Variants in MRPL39 observed in about 807,000 individuals in gnomAD.
The protein encoded by MRPL39 is mitochondrial ribosomal protein L39.
A neutral mutation model predicts 44.5 loss-of-function variants in MRPL39; 35 were observed. The ratio of observed to expected loss-of-function variants is 0.79; its 90% confidence interval spans 0.60 to 1.04. The LOEUF is 1.04. MRPL39 is among the 50% of genes least tolerant of loss of function. MRPL39 has a pLI of 0.00. For synonymous variants in MRPL39, 139 were observed against 136.1 expected, an observed-to-expected ratio of 1.02 and a Z score of -0.15; for missense variants, 433 against 413.5, an observed-to-expected ratio of 1.05 and a Z score of -0.41.
upstream of MRPL39, chr21:25,607,487 G>A (rs202224023): frequency 7.4e-5 from 119 of 1,609,542 alleles, no homozygotes; most frequent in Non-Finnish European, 9.7e-5. Flanking sequence ...GCAGCGGTGA[G>A]AACCGTCGCG....
At chr21:25,600,685 T>C (rs1406884307) in intron 4 of MRPL39, among the ~76,000 whole-genome samples, 2 of 152,150 alleles carry the variant, frequency 1.3e-5, no homozygotes, top group African/African-American at 2.4e-5. Context: ...GTGCTGTCAC[T>C]TTCCAAAGTA....
chr21:25,593,098 T>C (rs2031234862), intron 7 of MRPL39, 133 bp from the exon 8 acceptor site: 1 of 712,088 alleles, frequency 1.4e-6, no homozygotes, highest in African/African-American at 1.8e-5. Context: ...CAATTCAGTT[T>C]CTAATGACCC....
At chr21:25,607,496 C>T, upstream of MRPL39, 1 of 1,607,916 alleles carries the variant, frequency 6.2e-7, no homozygotes, top group Non-Finnish European at 8.5e-7. Context: ...AGAACCGTCG[C>T]GCGCAAGTCC....
chr21:25,599,133 G>C (rs757927923), intron 5 of MRPL39, among the ~76,000 whole-genome samples: 1 of 152,174 alleles, frequency 6.6e-6, no homozygotes, highest in East Asian at 1.9e-4. Context: ...CTTACCTACT[G>C]AGCACCTGAT....
chr21:25,603,416 G>GA, intron 3 of MRPL39, among the ~76,000 whole-genome samples: 1 of 151,554 alleles, frequency 6.6e-6, no homozygotes, highest in Non-Finnish European at 1.5e-5. Context: ...TTTAAGTAAC[G>GA]AAAAAAAATA....
intron 6 of MRPL39, among the ~76,000 whole-genome samples, chr21:25,595,141 C>T (rs1356944341): frequency 2.0e-5 from 3 of 152,306 alleles, no homozygotes; most frequent in East Asian, 3.9e-4. Flanking sequence ...CCTCAGGGTG[C>T]TAAACAAGTA....
intron 9 of MRPL39, among the ~76,000 whole-genome samples, chr21:25,586,414 C>G (rs79144222): frequency 0.035 from 5,376 of 152,304 alleles, 130 homozygotes; most frequent in Non-Finnish European, 0.051. Context: ...ACCTCATTCT[C>G]TTCTATCCCC....
At chr21:25,607,800 C>T (rs1477743092), upstream of MRPL39, among the ~76,000 whole-genome samples, 4 of 152,068 alleles carry the variant, frequency 2.6e-5, no homozygotes, top group Non-Finnish European at 5.9e-5. Flanking sequence ...CCGCCTTCAG[C>T]CCTCCGCGGG....
Position 25,607,422 on chromosome 21 carries a change from G to C in MRPL39, c.54C>G (p.Pro18=). 4 of 1,613,490 alleles carry C rather than the reference G, an allele frequency of 2.5e-6. No homozygotes were observed. The highest frequency in any genetic ancestry group is 3.4e-6 in the Non-Finnish European group (4 of 1,179,948). Residue 18 remains proline (P), a synonymous_variant, in exon 1 of 10, where the codon CCC becomes CCG. Coordinates refer to ENST00000352957, the MANE Select transcript of MRPL39 (RefSeq NM_017446.4). ...SRALRLWLVA[P]GGGIKWRFIA... Reference sequence around the variant, plus strand: ...ACTCACTCCATTTGATCCCGCCACCGGGTGCGACCAGCCAGAGCCGCAGCG... The same window carrying C: ...ACTCACTCCATTTGATCCCGCCACCCGGTGCGACCAGCCAGAGCCGCAGCG...
chr21:25,595,573 C>T (rs530161575), intron 6 of MRPL39, among the ~76,000 whole-genome samples: 1 of 152,260 alleles, frequency 6.6e-6, no homozygotes, highest in South Asian at 2.1e-4. Context: ...CAGTAAAGTA[C>T]CATGGTGCAC....
rs35118180 is a variant in MRPL39, at chr21:25,600,395, TA to T, written c.521-530del. On this transcript the variant is annotated intron_variant, in intron 4 of 9. Coordinates refer to ENST00000352957, the MANE Select transcript of MRPL39 (RefSeq NM_017446.4). The stretch of plus-strand genomic sequence containing the variant: ...TTGGCAACACAGCGAGACTCCGTCT[TA>T]AAAAAAAAAAAAAAAAAAAAATTCC... Among the ~76,000 whole-genome samples, 207 of 78,550 alleles carry T rather than the reference TA, an allele frequency of 2.6e-3. 1 individual carries two copies. The highest frequency in any genetic ancestry group is 8.5e-3 in the African/African-American group (180 of 21,280). 51.5% of individuals were successfully genotyped at this position (78,550 alleles called of 152,430 possible). A position where few individuals can be genotyped will look rare whatever the true frequency, so the allele number is the denominator to read the frequency against.
intron 4 of MRPL39, 127 bp downstream of exon 4, chr21:25,601,241 T>C (rs2031512740): frequency 2.2e-6 from 1 of 451,154 alleles, no homozygotes; most frequent in Non-Finnish European, 3.9e-6. Flanking sequence ...TAAGAAAGAT[T>C]TTGTTACCCA....
At position 25,592,963 on chromosome 21, in the gene MRPL39, A is replaced by C; in HGVS notation, c.770T>G (p.Ile257Arg). 1 of 1,581,418 alleles carries C rather than the reference A, an allele frequency of 6.3e-7. No homozygotes were observed. The highest frequency in any genetic ancestry group is 8.6e-7 in the Non-Finnish European group (1 of 1,167,882). ...CTCACTCACATCAATGAAGTCACCTATTCTGATTGATTTAAAAATAAATAA... is the reference window on the plus strand; with the variant it reads ...CTCACTCACATCAATGAAGTCACCTCTTCTGATTGATTTAAAAATAAATAA... ...NPERIVKLHR[I>R]GDFIDVSEGP... Residue 257 changes from isoleucine to arginine, a missense_variant and splice_region_variant, in exon 8 of 10, where the codon ATA becomes AGA. Physicochemically the swap from Ile to Arg is moderately conservative, Grantham distance 97. Coordinates refer to ENST00000352957, the MANE Select transcript of MRPL39 (RefSeq NM_017446.4).
intron 7 of MRPL39, among the ~76,000 whole-genome samples, 177 bp from the exon 8 acceptor site, chr21:25,593,142 C>T (rs1441554733): frequency 6.6e-6 from 1 of 152,132 alleles, no homozygotes; most frequent in Non-Finnish European, 1.5e-5. Context: ...GAGGCTAAAA[C>T]TTTGAAAATT....
rs867107880 is a variant in MRPL39 at position 25,606,585 on chromosome 21, A to G, written c.144T>C (p.Phe48=). ...TELTEMRNDL[F]NKEKARQLSL... is the part of the protein sequence containing the mutation. ...ATAACTGCCTGGCTTTCTCTTTATTAAAGAGATCATTCCGCATTTCTGTCA... is the reference window on the plus strand; with the variant it reads ...ATAACTGCCTGGCTTTCTCTTTATTGAAGAGATCATTCCGCATTTCTGTCA... Residue 48 remains phenylalanine (F), a synonymous_variant, in exon 2 of 10, where the codon TTT becomes TTC. Transcript: ENST00000352957. 7 of 1,613,852 alleles carry G rather than the reference A, an allele frequency of 4.3e-6. No homozygotes were observed. Among genetic ancestry groups the G allele is most frequent in the Non-Finnish European group, 5.9e-6 (7 of 1,179,852 alleles).
At chr21:25,603,984 G>T (rs2031595618) in intron 2 of MRPL39, 49 bp from the exon 3 acceptor site, 1 of 1,548,418 alleles carries the variant, frequency 6.5e-7, no homozygotes, top group Non-Finnish European at 8.8e-7. Context: ...AGAGTGAAAA[G>T]TTACATGTTT....
chr21:25,598,263 A>G (rs1400901936), intron 5 of MRPL39, among the ~76,000 whole-genome samples: 2 of 151,698 alleles, frequency 1.3e-5, no homozygotes, highest in Non-Finnish European at 2.9e-5. Context: ...GGAGTCTGCA[A>G]TCAGCTCACA....
chr21:25,607,316 G>T, intron 1 of MRPL39, 87 bp downstream of exon 1: 5 of 1,458,778 alleles, frequency 3.4e-6, no homozygotes, highest in South Asian at 1.2e-5. Context: ...TGCCCCGCGG[G>T]ACCTCCCCGG....
chr21:25,590,362 G>A (rs185201990), intron 8 of MRPL39, among the ~76,000 whole-genome samples: 183 of 150,060 alleles, frequency 1.2e-3, no homozygotes, highest in African/African-American at 4.3e-3. Flanking sequence ...ATATACTAAC[G>A]CTAATGACAG....
Sources: gnomAD v4.1 joint callset for allele counts (sites outside exome capture counted in the v4.1 genomes callset) on GRCh38, gnomAD v4.1.1 for gene constraint, MANE v1.5 for transcripts, NCBI Gene and HGNC (gene_info 2026-07-23, HGNC 2026-07-21) for gene names.